PIK3CD: variants seen among roughly 807,000 people sequenced by gnomAD.
The protein encoded by PIK3CD is phosphatidylinositol-4,5-bisphosphate 3-kinase catalytic subunit delta, also known as phosphatidylinositol 4,5-bisphosphate 3-kinase catalytic subunit delta isoform.
In PIK3CD, 20 loss-of-function variants were observed where a neutral mutation model predicts 122.9. The observed-to-expected ratio is 0.16, with a 90% CI of 0.11 to 0.24. The LOEUF (loss-of-function observed/expected upper bound fraction) is 0.24. Among genes scored for constraint, PIK3CD ranks in the 10% least tolerant of loss-of-function variants. PIK3CD has a pLI of 1.00. For missense variants in PIK3CD, 787 were observed against 1,406.3 expected, an observed-to-expected ratio of 0.56 and a Z score of 7.04; for synonymous variants, 596 against 593.4, an observed-to-expected ratio of 1.00 and a Z score of -0.06.
rs148309023 is a variant in PIK3CD, at chr1:9,710,230, G to A, written c.-32-194G>A. ...GAAGAGGCAGCTGAGGCCGTGGCCC[G>A]GAGTAGTAGGAGCCACAAGCCACCC... On this transcript the variant is annotated intron_variant, in intron 2 of 23. Transcript: ENST00000377346. The surrounding 1 kb of genome is among the most constrained non-coding windows in gnomAD (Gnocchi z 4.7). 8.1e-4 allele frequency: 471 copies of A among 578,832 alleles called. 2 individuals are homozygous for A. Among genetic ancestry groups the A allele is most frequent in the African/African-American group, 8.0e-3 (432 of 53,904 alleles). The allele number at this position is 578,832 out of a possible 1,614,324, so 35.9% of individuals were successfully genotyped here.
rs778557081 is a variant in PIK3CD, at chr1:9,720,829, G to A, written c.1609G>A (p.Glu537Lys). 2 of 1,613,024 alleles carry A rather than the reference G, an allele frequency of 1.2e-6. No individual in the cohort carries two copies. The highest frequency in any genetic ancestry group is 1.7e-6 in the Non-Finnish European group (2 of 1,179,730). The change falls in exon 13 of 24, where the codon GAA becomes AAA. Residue 537 changes from glutamate to lysine, a missense_variant. Physicochemically the swap from Glu to Lys is moderately conservative, Grantham distance 56. Around this residue, in one of 6 missense-constraint regions of PIK3CD, gnomAD observed 592 missense variants for 920.6 expected, o/e 0.64. Coordinates refer to ENST00000377346, the MANE Select transcript of PIK3CD (RefSeq NM_005026.5). This position sits in a 1 kb window ranked among gnomAD's most constrained non-coding sequence, Gnocchi z 9.0. ...GGACCTGGTGTGGAAGCTGCGGCAT[G>A]AAGTCCAGGAGCACTTCCCGGAGGC... ...EKDLVWKLRH[E>K]VQEHFPEALA...
At chr1:9,648,197 C>T (rs1233969819), upstream of PIK3CD, among the ~76,000 whole-genome samples, 2 of 152,108 alleles carry the variant, frequency 1.3e-5, no homozygotes, top group Non-Finnish European at 1.5e-5. Flanking sequence ...AAAATATTTA[C>T]GTCAAAGAGG....
rs1646111347 is a variant in PIK3CD at position 9,689,531 on chromosome 1, C to T, written c.-137-1936C>T. ...CCGCCTGCCAGTAGTCCCAGCCCCGCCCCGGGCCGCGCCCCTCCGCCGAGC... is the reference window on the plus strand; with the variant it reads ...CCGCCTGCCAGTAGTCCCAGCCCCGTCCCGGGCCGCGCCCCTCCGCCGAGC... On this transcript the variant is annotated intron_variant, in intron 1 of 23. Coordinates refer to ENST00000377346, the MANE Select transcript of PIK3CD (RefSeq NM_005026.5). This position sits in a 1 kb window ranked among gnomAD's most constrained non-coding sequence, Gnocchi z 6.1. Among the ~76,000 whole-genome samples the T allele has an allele frequency of 6.8e-6, 1 of 147,510 alleles. No homozygotes were observed. Among genetic ancestry groups the T allele is most frequent in the Admixed American group, 6.7e-5 (1 of 14,902 alleles).
chr1:9,664,742 AGAGGATCCCTGCTCATGT>A (rs1309796541), intron 1 of PIK3CD, among the ~76,000 whole-genome samples: 1 of 152,156 alleles, frequency 6.6e-6, no homozygotes, highest in Non-Finnish European at 1.5e-5. Flanking sequence ...CTAGGGGAAA[AGAGGATCCCTGCTCATGT>A]GAGTATCTCC....
At chr1:9,629,023 C>T in the PIK3CD span, among the ~76,000 whole-genome samples, 2 of 151,980 alleles carry the variant, frequency 1.3e-5, no homozygotes, top group Admixed American at 6.6e-5. Flanking sequence ...GAGGGGCGGG[C>T]CTGGGTGGGG....
chr1:9,648,630 A>G (rs6540985), upstream of PIK3CD, among the ~76,000 whole-genome samples: 74,717 of 152,152 alleles, frequency 0.49, 20,922 homozygotes, highest in East Asian at 0.86. Context: ...AAGGCTCAGT[A>G]ATCTGAGCCT....
Position 9,657,106 on chromosome 1 carries a change from C to G in PIK3CD, c.-138+5304C>G, listed in dbSNP as rs183547770. ...AGCGTATCTTGGCCTGTGGCTGCAT[C>G]ACTCCAGTCTCTGCCTCCGTCTTCA... On this transcript the variant is annotated intron_variant, in intron 1 of 23. Transcript: ENST00000377346. 2.3e-3 allele frequency among the ~76,000 whole-genome samples: 350 copies of G among 152,226 alleles called. 2 individuals are homozygous for G. Among genetic ancestry groups the G allele is most frequent in the African/African-American group, 8.1e-3 (337 of 41,538 alleles).
chr1:9,665,481 C>T (rs1645131750), intron 1 of PIK3CD, among the ~76,000 whole-genome samples: 1 of 151,270 alleles, frequency 6.6e-6, no homozygotes, highest in Non-Finnish European at 1.5e-5. Flanking sequence ...CTCTGGTTTA[C>T]ATTCCGCACA....
rs1229729609 is a variant in PIK3CD, at chr1:9,715,706, G to A, written c.307G>A (p.Ala103Thr). 1.2e-6 allele frequency: 2 copies of A among 1,613,592 alleles called. No homozygotes were observed. Among genetic ancestry groups the A allele is most frequent in the South Asian group, 2.2e-5 (2 of 91,080 alleles). ...CTTCCTGCCCGTCCTGCGCCTGGTG[G>A]CCCGTGAGGGCGACCGCGTGAAGAA... ...QPFLPVLRLV[A>T]REGDRVKKLI... The change falls in exon 4 of 24, where the codon GCC becomes ACC. Residue 103 changes from alanine (A) to threonine (T), a missense_variant. Transcript: ENST00000377346. The surrounding 1 kb of genome is among the most constrained non-coding windows in gnomAD (Gnocchi z 4.1).
Position 9,710,506 on chromosome 1 carries a change from T to C in PIK3CD, c.51T>C (p.Asn17=), listed in dbSNP as rs1450081579. ...CPMEFWTKEE[N]QSVVVDFLLP... is the part of the protein sequence containing the mutation. ...TGGAATTCTGGACCAAGGAGGAGAATCAGAGCGTTGTGGTTGACTTCCTGC... is the reference window on the plus strand; with the variant it reads ...TGGAATTCTGGACCAAGGAGGAGAACCAGAGCGTTGTGGTTGACTTCCTGC... The change falls in exon 3 of 24, where the codon AAT becomes AAC. Residue 17 remains asparagine, a synonymous_variant. Coordinates refer to ENST00000377346, the MANE Select transcript of PIK3CD (RefSeq NM_005026.5). This position sits in a 1 kb window ranked among gnomAD's most constrained non-coding sequence, Gnocchi z 4.7. 6.2e-7 allele frequency: 1 copy of C among 1,614,002 alleles called. No homozygotes were observed.
At position 9,707,396 on chromosome 1, in the gene PIK3CD, C is replaced by T. The variant is rs150259746; in HGVS notation, c.-32-3028C>T. Among the ~76,000 whole-genome samples, 24 of 145,766 alleles carry T rather than the reference C, an allele frequency of 1.6e-4. No homozygotes were observed. The East Asian group carries it at 3.4e-3, about 21-fold the overall frequency. On this transcript the variant is annotated intron_variant, in intron 2 of 23. Transcript: ENST00000377346. ...AACTTTTATTTTAAGTTCAGGGGTA[C>T]GTTGCAGGTTTGTTATATAGGTAAA...
chr1:9,649,599 C>A (rs1002962011), upstream of PIK3CD, among the ~76,000 whole-genome samples: 3 of 152,190 alleles, frequency 2.0e-5, no homozygotes, highest in Non-Finnish European at 4.4e-5. Context: ...GAGGCCCAGG[C>A]ATCTCTTGGG....
At chr1:9,663,043 G>A (rs1645053810) in intron 1 of PIK3CD, among the ~76,000 whole-genome samples, 1 of 152,138 alleles carries the variant, frequency 6.6e-6, no homozygotes, top group Non-Finnish European at 1.5e-5. Flanking sequence ...TCTCTGTCCA[G>A]CCCATAGCTG....
the PIK3CD span, among the ~76,000 whole-genome samples, chr1:9,638,471 A>G: frequency 1.3e-5 from 2 of 151,714 alleles, no homozygotes; most frequent in African/African-American, 4.8e-5. Context: ...GGTGGCTCAC[A>G]CCTGTAATCC....
At chr1:9,695,968 T>C (rs1475605152) in intron 2 of PIK3CD, among the ~76,000 whole-genome samples, 1 of 148,408 alleles carries the variant, frequency 6.7e-6, no homozygotes, top group African/African-American at 2.6e-5. Flanking sequence ...AAAAAGTACA[T>C]TAAAGACTTT....
the PIK3CD span, among the ~76,000 whole-genome samples, chr1:9,642,631 G>A: frequency 1.3e-5 from 2 of 151,126 alleles, no homozygotes; most frequent in Non-Finnish European, 3.0e-5. Context: ...GCAGGAGAAT[G>A]GTGTGAACCC....
Position 9,724,725 on chromosome 1 carries a change from G to C in PIK3CD, c.2865-79G>C. The C allele has an allele frequency of 6.4e-7, 1 of 1,573,636 alleles. No individual in the cohort carries two copies. Among genetic ancestry groups the C allele is most frequent in the Middle Eastern group, 2.3e-4 (1 of 4,374 alleles). On this transcript the variant is annotated intron_variant, in intron 22 of 23. Coordinates refer to ENST00000377346, the MANE Select transcript of PIK3CD (RefSeq NM_005026.5). This position sits in a 1 kb window ranked among gnomAD's most constrained non-coding sequence, Gnocchi z 7.3. ...AAGGGCAGGTGTCCTTGGGGAAGGG[G>C]CTGGTTGGATGCAGAGCGGCCCTCT...
intron 1 of PIK3CD, among the ~76,000 whole-genome samples, chr1:9,677,761 T>C (rs1366246236): frequency 2.6e-5 from 4 of 152,258 alleles, no homozygotes; most frequent in African/African-American, 9.6e-5. Flanking sequence ...TTTATAAATG[T>C]GTTTATTCAT....
chr1:9,706,595 A>T (rs1646841896), intron 2 of PIK3CD, among the ~76,000 whole-genome samples: 1 of 152,194 alleles, frequency 6.6e-6, no homozygotes, highest in African/African-American at 2.4e-5. Context: ...ATAATCTAGA[A>T]ATGAAATTGC....
Sources: gnomAD v4.1 joint callset for allele counts (sites outside exome capture counted in the v4.1 genomes callset) on GRCh38, gnomAD v4.1.1 for gene constraint, gnomAD v4.1.1 regional missense constraint, Gnocchi (gnomAD v3.1) non-coding constraint, MANE v1.5 for transcripts, NCBI Gene and HGNC (gene_info 2026-07-23, HGNC 2026-07-21) for gene names.